ZNF778: variants seen among roughly 807,000 people sequenced by gnomAD.
ZNF778 encodes zinc finger protein 778.
ZNF778 carries 37 observed loss-of-function variants against 23.9 expected under a neutral mutation model. The ratio of observed to expected loss-of-function variants is 1.54; its 90% CI spans 1.19 to 2.03. The LOEUF (loss-of-function observed/expected upper bound fraction) is 2.03. Among genes scored for constraint, ZNF778 ranks in the 30% most tolerant of loss-of-function variants. ZNF778 has a pLI of 0.00. For synonymous variants in ZNF778, 483 were observed against 343.9 expected, an observed-to-expected ratio of 1.40 and a Z score of -4.48; for missense variants, 1,297 against 934.4, an observed-to-expected ratio of 1.39 and a Z score of -5.06.
intron 4 of ZNF778, 140 bp downstream of exon 4, chr16:89,223,423 A>G: frequency 3.3e-6 from 4 of 1,204,348 alleles, no homozygotes; most frequent in Non-Finnish European, 4.7e-6. Context: ...GCTTGGTGCT[A>G]GTGTGGTCGT....
At position 89,221,172 on chromosome 16, in the gene ZNF778, C is replaced by G. The variant is rs1187040393; in HGVS notation, c.25+20C>G. ...CCCACGGTAAGTCCTGGTGGGGCTC[C>G]TTCTCAGAGCCTCTGCTCTAGGTCC... is the stretch of plus-strand genomic sequence containing the variant. On this transcript the variant is annotated intron_variant, in intron 2 of 6. Transcript: ENST00000433976. 4 of 1,550,906 alleles carry G rather than the reference C, an allele frequency of 2.6e-6. No homozygotes were observed. The Admixed American group carries it at 7.9e-5, about 31-fold the overall frequency.
chr16:89,228,469 GGTTTTT>G lies in ZNF778; in HGVS notation c.2184_2189del (p.Phe729_Val730del), dbSNP rs2031706661. ...ATTTAAAAACTTACACTGAAGAGCA[GGTTTTT>G]GTATGTAAGGACTGTGGAAAATCTT... On this transcript the variant is annotated inframe_deletion, in exon 7 of 7. Coordinates refer to ENST00000433976, the MANE Select transcript of ZNF778 (RefSeq NM_001201407.2). 6.2e-7 allele frequency: 1 copy of G among 1,613,680 alleles called. No homozygotes were observed.
intron 1 of ZNF778, among the ~76,000 whole-genome samples, chr16:89,219,327 G>A (rs1280687158): frequency 6.6e-6 from 1 of 152,150 alleles, no homozygotes; most frequent in Non-Finnish European, 1.5e-5. Context: ...CTCGTGATAC[G>A]TTTAAATATT....
chr16:89,219,619 T>A (rs968784360), intron 1 of ZNF778, among the ~76,000 whole-genome samples: 2 of 152,206 alleles, frequency 1.3e-5, no homozygotes, highest in African/African-American at 4.8e-5. Flanking sequence ...CTGAGTCTTA[T>A]CAGTGCTTGC....
intron 1 of ZNF778, among the ~76,000 whole-genome samples, chr16:89,220,370 G>A (rs113857142): frequency 6.6e-6 from 1 of 152,136 alleles, no homozygotes; most frequent in African/African-American, 2.4e-5. Flanking sequence ...AAACTGACGA[G>A]ACCGGGGCGG....
chr16:89,230,104 AG>A lies in ZNF778; in HGVS notation c.*1545del. The A allele has an allele frequency of 1.1e-6, 1 of 879,024 alleles. No individual in the cohort carries two copies. The highest frequency in any genetic ancestry group is 1.8e-5 in the African/African-American group (1 of 54,920). 54.5% of individuals were successfully genotyped at this position (879,024 alleles called of 1,614,324 possible). A position where few individuals can be genotyped will look rare whatever the true frequency, so the allele number is the denominator to read the frequency against. On this transcript the variant is annotated 3_prime_UTR_variant, in exon 7 of 7. Transcript: ENST00000433976. Reference sequence around the variant, plus strand: ...ATGCTCTTAGGCATGACCCACCTGTAGGGTCCCACACTGGCCAATGTTGGGG... The same window carrying A: ...ATGCTCTTAGGCATGACCCACCTGTAGGTCCCACACTGGCCAATGTTGGGG...
intron 5 of ZNF778, 130 bp downstream of exon 5, chr16:89,224,932 T>A: frequency 1.6e-6 from 1 of 644,414 alleles, no homozygotes; most frequent in Non-Finnish European, 2.7e-6. Context: ...GAGTGTCGAG[T>A]TTAGCGGCTG....
intron 4 of ZNF778, among the ~76,000 whole-genome samples, chr16:89,224,104 C>T (rs550313308): frequency 2.6e-5 from 4 of 151,842 alleles, no homozygotes; most frequent in Non-Finnish European, 4.4e-5. Context: ...GGCTGTAATC[C>T]GAGCACTCTG....
At position 89,234,101 on chromosome 16, in the gene ZNF778, C is replaced by A; in HGVS notation, c.*5539C>A. Reference sequence around the variant, plus strand: ...CTTGGGCCCTGCCTGGAGTGATGTGCCGCCTTCTCTTGACACTGTGAGTGA... The same window carrying A: ...CTTGGGCCCTGCCTGGAGTGATGTGACGCCTTCTCTTGACACTGTGAGTGA... On this transcript the variant is annotated 3_prime_UTR_variant, in exon 7 of 7. Coordinates refer to ENST00000433976, the MANE Select transcript of ZNF778 (RefSeq NM_001201407.2). 3.8e-6 allele frequency: 2 copies of A among 528,532 alleles called. No homozygotes were observed. The highest frequency in any genetic ancestry group is 6.8e-6 in the Non-Finnish European group (2 of 294,018). The allele number at this position is 528,532 out of a possible 1,614,324, so 32.7% of individuals were successfully genotyped here.
Position 89,227,446 on chromosome 16 carries a change from T to G in ZNF778, c.1158T>G (p.Thr386=), listed in dbSNP as rs973995436. Residue 386 remains threonine, a synonymous_variant, in exon 7 of 7, where the codon ACT becomes ACG. Transcript: ENST00000433976. ...ATCTACTGAATGAGCATGGAAAAAC[T>G]CACACGAGGGAGAAGCCCTTTGCAT... ...GFYLLNEHGK[T]HTREKPFACV... 3 of 1,613,766 alleles carry G rather than the reference T, an allele frequency of 1.9e-6. No homozygotes were observed. The highest frequency in any genetic ancestry group is 1.3e-5 in the African/African-American group (1 of 74,968).
chr16:89,228,684 C>T lies in ZNF778; in HGVS notation c.*122C>T. On this transcript the variant is annotated 3_prime_UTR_variant, in exon 7 of 7. Coordinates refer to ENST00000433976, the MANE Select transcript of ZNF778 (RefSeq NM_001201407.2). The stretch of plus-strand genomic sequence containing the variant: ...CTAGGCAATCAGCATCTCATCACAA[C>T]CCGGCAGGCAGGAACTCACCCTGGA... 1 of 1,481,458 alleles carries T rather than the reference C, an allele frequency of 6.8e-7. No individual in the cohort carries two copies. The allele number at this position is 1,481,458 out of a possible 1,614,324, so 91.8% of individuals were successfully genotyped here.
At position 89,226,781 on chromosome 16, in the gene ZNF778, A is replaced by G. The variant is rs371326404; in HGVS notation, c.493A>G (p.Arg165Gly). The change falls in exon 7 of 7, where the codon AGA (arginine) becomes GGA (glycine). Residue 165 changes from arginine (R) to glycine (G), a missense_variant. By Grantham distance (125) the Arg-to-Gly change is moderately radical. Transcript: ENST00000433976. ...ACACTCAGGCCTCAGCACACACGTG[A>G]GAACTCAAAATACAGGAGACAGTTG... The part of the protein sequence containing the change: ...SEHSGLSTHV[R>G]TQNTGDSCVS... 6.2e-7 allele frequency: 1 copy of G among 1,614,024 alleles called. No individual in the cohort carries two copies. The highest frequency in any genetic ancestry group is 8.5e-7 in the Non-Finnish European group (1 of 1,179,896).
chr16:89,223,138 G>A lies in ZNF778; in HGVS notation c.118-19G>A, dbSNP rs563328497. 8.7e-6 allele frequency: 14 copies of A among 1,610,612 alleles called. No individual in the cohort carries two copies. Among genetic ancestry groups the A allele is most frequent in the East Asian group, 2.2e-5 (1 of 44,798 alleles). ...ATGGACACGTTGGAAGGCTCCAACC[G>A]TCATGTGTGATGATTTAGGACGCGG... On this transcript the variant is annotated intron_variant, in intron 3 of 6. Coordinates refer to ENST00000433976, the MANE Select transcript of ZNF778 (RefSeq NM_001201407.2).
rs571527914 is a variant in ZNF778, at chr16:89,232,533, T to C, written c.*3971T>C. On this transcript the variant is annotated 3_prime_UTR_variant, in exon 7 of 7. Coordinates refer to ENST00000433976, the MANE Select transcript of ZNF778 (RefSeq NM_001201407.2). ...TCTTCCTAACTCTCAGAACGTGTTC[T>C]GTGTCACTTAGGGCAACTTATGCCC... 3.5e-6 allele frequency: 3 copies of C among 856,978 alleles called. No homozygotes were observed. Among genetic ancestry groups the C allele is most frequent in the Non-Finnish European group, 4.7e-6 (3 of 640,486 alleles). The allele number at this position is 856,978 out of a possible 1,614,324, so 53.1% of individuals were successfully genotyped here. A position where few individuals can be genotyped will look rare whatever the true frequency, so the allele number is the denominator to read the frequency against.
Position 89,235,239 on chromosome 16 carries a change from A to T in ZNF778, c.*6677A>T, listed in dbSNP as rs548241274. On this transcript the variant is annotated 3_prime_UTR_variant, in exon 7 of 7. Transcript: ENST00000433976. ...TCCCAGAAGCTTGGCACCAGCACCC[A>T]CTAGGCTCCAGATCGGGGCCTCATG... 2.6e-5 allele frequency: 4 copies of T among 152,262 alleles called. No homozygotes were observed. In the East Asian group the frequency reaches 7.7e-4, roughly 29 times the overall value. The allele number at this position is 152,262 out of a possible 1,614,324, so 9.4% of individuals were successfully genotyped here.
In ZNF778 at chr16:89,231,618, G is replaced by C. The variant is rs570771845; in HGVS notation, c.*3056G>C. On this transcript the variant is annotated 3_prime_UTR_variant, in exon 7 of 7. Transcript: ENST00000433976. Reference sequence around the variant, plus strand: ...CTGTGATGAGCTGAGCTTGCTGTCCGCTAACCCGTGATCCTGGTGTAATCT... The same window carrying C: ...CTGTGATGAGCTGAGCTTGCTGTCCCCTAACCCGTGATCCTGGTGTAATCT... The C allele has an allele frequency of 6.6e-6, 1 of 152,178 alleles. No homozygotes were observed. The highest frequency in any genetic ancestry group is 2.4e-5 in the African/African-American group (1 of 41,422). The allele number at this position is 152,178 out of a possible 1,614,324, so 9.4% of individuals were successfully genotyped here.
Position 89,233,476 on chromosome 16 carries a change from C to G in ZNF778, c.*4914C>G, listed in dbSNP as rs756357198. 1.2e-6 allele frequency: 1 copy of G among 861,804 alleles called. No individual in the cohort carries two copies. Among genetic ancestry groups the G allele is most frequent in the African/African-American group, 2.7e-5 (1 of 37,520 alleles). The allele number at this position is 861,804 out of a possible 1,614,324, so 53.4% of individuals were successfully genotyped here. ...CTCAACTCGCACTGCGTGTGCAACT[C>G]AACTCACACTGCGTATGCAACTCAG... On this transcript the variant is annotated 3_prime_UTR_variant, in exon 7 of 7. Transcript: ENST00000433976.
rs117047118 is a variant in ZNF778 at position 89,230,969 on chromosome 16, G to A, written c.*2407G>A. 757 of 148,860 alleles carry A rather than the reference G, an allele frequency of 5.1e-3. 4 individuals are homozygous for A. Among genetic ancestry groups the A allele is most frequent in the Middle Eastern group, 6.8e-3 (2 of 294 alleles). The allele number at this position is 148,860 out of a possible 1,614,324, so 9.2% of individuals were successfully genotyped here. On this transcript the variant is annotated 3_prime_UTR_variant, in exon 7 of 7. Transcript: ENST00000433976. Reference sequence around the variant, plus strand: ...TTTAAAATTCTGGATGGACAGACCCGTGCACCTTCCTGTCACATGTTTGAA... The same window carrying A: ...TTTAAAATTCTGGATGGACAGACCCATGCACCTTCCTGTCACATGTTTGAA...
At chr16:89,225,795 C>T (rs892513491) in intron 6 of ZNF778, among the ~76,000 whole-genome samples, 164 bp downstream of exon 6, 1 of 152,200 alleles carries the variant, frequency 6.6e-6, no homozygotes, top group Non-Finnish European at 1.5e-5. Context: ...GGGAGGACCT[C>T]ATCCTGTCTT....
Sources: gnomAD v4.1 joint callset for allele counts (sites outside exome capture counted in the v4.1 genomes callset) on GRCh38, gnomAD v4.1.1 for gene constraint, MANE v1.5 for transcripts, NCBI Gene and HGNC (gene_info 2026-07-23, HGNC 2026-07-21) for gene names.